Variants in DNAH7 observed in about 807,000 individuals in gnomAD.
DNAH7 encodes axonemal beta dynein heavy chain 7.
DNAH7 carries 397 observed loss-of-function variants against 444.6 expected under a neutral mutation model. That is an observed-to-expected ratio of 0.89 (90% CI 0.82 to 0.97). DNAH7 has a LOEUF of 0.97. DNAH7 is among the 50% of genes least tolerant of loss of function. DNAH7 has a pLI of 0.00. For synonymous variants in DNAH7, 1,636 were observed against 1,624.4 expected (o/e 1.01, Z -0.17); for missense variants, 4,902 against 4,800.8 (o/e 1.02, Z -0.62).
At chr2:195,888,488 T>A (rs1156430837) in intron 32 of DNAH7, 54 bp from the exon 33 acceptor site, 1 of 1,505,816 alleles carries the variant, frequency 6.6e-7, no homozygotes, top group African/African-American at 1.4e-5. Context: ...AAAATAAATA[T>A]GATTTGGCAC....
intron 46 of DNAH7, among the ~76,000 whole-genome samples, chr2:195,851,390 GA>G (rs988940598): frequency 2.0e-5 from 3 of 152,210 alleles, no homozygotes; most frequent in Non-Finnish European, 4.4e-5. Context: ...TCACAGAGAT[GA>G]GGTGGCATGG....
rs192354399 is a variant in DNAH7 at position 195,922,068 on chromosome 2, C to G, written c.3935+20G>C. On this transcript the variant is annotated intron_variant, in intron 24 of 64. Coordinates refer to ENST00000312428, the MANE Select transcript of DNAH7 (RefSeq NM_018897.3). ...TGAGTGAAAGTTATTTCCAATAGAT[C>G]CTTAAATTAAAGGGTTTACCTGTAA... 17 of 1,396,756 alleles carry G rather than the reference C, an allele frequency of 1.2e-5. No individual in the cohort carries two copies. In the East Asian group the frequency reaches 3.9e-4, roughly 32 times the overall value. The allele number at this position is 1,396,756 out of a possible 1,614,324, so 86.5% of individuals were successfully genotyped here. A position where few individuals can be genotyped will look rare whatever the true frequency, so the allele number is the denominator to read the frequency against.
intron 21 of DNAH7, 109 bp downstream of exon 21, chr2:195,934,482 T>A (rs999482897): frequency 2.5e-5 from 29 of 1,173,584 alleles, no homozygotes; most frequent in Non-Finnish European, 2.3e-5. Context: ...AATTGGTAAT[T>A]CCATGCCTCC....
chr2:195,830,830 C>G (rs1698033795), intron 48 of DNAH7, among the ~76,000 whole-genome samples: 1 of 152,158 alleles, frequency 6.6e-6, no homozygotes, highest in South Asian at 2.1e-4. Flanking sequence ...TCTTTCTGCC[C>G]CTTTAACCTA....
At chr2:195,763,938 G>C (rs1694458225) in intron 61 of DNAH7, among the ~76,000 whole-genome samples, 1 of 151,322 alleles carries the variant, frequency 6.6e-6, no homozygotes, top group African/African-American at 2.4e-5. Context: ...GAAAACTACA[G>C]AGAAAAAAAA....
At chr2:195,990,964 T>TATATAC (rs1693293783) in intron 12 of DNAH7, among the ~76,000 whole-genome samples, 1 of 142,792 alleles carries the variant, frequency 7.0e-6, no homozygotes. Flanking sequence ...TACTTAAATA[T>TATATAC]ATATACATAT....
intron 61 of DNAH7, among the ~76,000 whole-genome samples, chr2:195,760,172 C>T (rs1052340691): frequency 6.6e-6 from 1 of 151,842 alleles, no homozygotes; most frequent in African/African-American, 2.4e-5. Flanking sequence ...GGCTCCTCTG[C>T]CTGTGGAAAG....
chr2:195,872,399 C>T lies in DNAH7; in HGVS notation c.6484G>A (p.Glu2162Lys). ...IVNGTMTLYK[E>K]AMKNLLPTPA... ...GTAGGCAAGAGATTCTTCATTGCTT[C>T]TTTATACAGAGTCATTGTGCCATTT... is the stretch of plus-strand genomic sequence containing the variant. The change falls in exon 40 of 65, where the codon GAA becomes AAA. Residue 2162 changes from glutamate to lysine, a missense_variant. By Grantham distance (56) the Glu-to-Lys change is moderately conservative. Transcript: ENST00000312428. 2.5e-6 allele frequency: 4 copies of T among 1,613,852 alleles called. No individual in the cohort carries two copies. The highest frequency in any genetic ancestry group is 3.4e-6 in the Non-Finnish European group (4 of 1,179,866).
intron 34 of DNAH7, among the ~76,000 whole-genome samples, chr2:195,885,098 A>G (rs1470216411): frequency 6.6e-6 from 1 of 152,234 alleles, no homozygotes; most frequent in Non-Finnish European, 1.5e-5. Context: ...ACATGACAGC[A>G]GCTTGATATT....
At chr2:195,952,035 T>C (rs551695421) in intron 19 of DNAH7, among the ~76,000 whole-genome samples, 44 of 152,330 alleles carry the variant, frequency 2.9e-4, no homozygotes, top group African/African-American at 1.0e-3. Flanking sequence ...TCAATGATCT[T>C]TACAATTTGG....
Position 195,738,127 on chromosome 2 carries a change from T to G in DNAH7, c.11869A>C (p.Met3957Leu). The G allele has an allele frequency of 6.2e-7, 1 of 1,613,496 alleles. No individual in the cohort carries two copies. The highest frequency in any genetic ancestry group is 8.5e-7 in the Non-Finnish European group (1 of 1,179,502). The change falls in exon 65 of 65, where the codon ATG becomes CTG. Residue 3957 changes from methionine to leucine, a missense_variant and splice_region_variant. By Grantham distance (15) the Met-to-Leu change is conservative. Coordinates refer to ENST00000312428, the MANE Select transcript of DNAH7 (RefSeq NM_018897.3). The part of the protein sequence containing the change: ...PKILYDTVPV[M>L]WLKPCKRADI... Reference sequence around the variant, plus strand: ...GCCCTCTTACAGGGCTTTAGCCACATCTGGAAGAAAGTACATAACACCTCT... The same window carrying G: ...GCCCTCTTACAGGGCTTTAGCCACAGCTGGAAGAAAGTACATAACACCTCT...
At chr2:195,942,404 TGAAGAGGAG>T (rs1210186852) in intron 19 of DNAH7, among the ~76,000 whole-genome samples, 4 of 121,590 alleles carry the variant, frequency 3.3e-5, no homozygotes, top group African/African-American at 1.3e-4. Context: ...AGGAAGAAGA[TGAAGAGGAG>T]GAAGAGGAAG....
chr2:196,005,076 T>G (rs886942367), intron 10 of DNAH7, among the ~76,000 whole-genome samples: 9 of 148,952 alleles, frequency 6.0e-5, no homozygotes, highest in Non-Finnish European at 1.2e-4. Context: ...CAAGACCATC[T>G]CAGCTAACAC....
intron 58 of DNAH7, among the ~76,000 whole-genome samples, chr2:195,782,372 T>C (rs919914950): frequency 1.3e-5 from 2 of 152,212 alleles, no homozygotes; most frequent in African/African-American, 2.4e-5. Context: ...ATACAATTAC[T>C]ATGCTGGAGG....
chr2:195,880,992 T>C (rs1298258661), intron 36 of DNAH7, among the ~76,000 whole-genome samples: 1 of 151,316 alleles, frequency 6.6e-6, no homozygotes, highest in African/African-American at 2.4e-5. Context: ...TGTACACTTT[T>C]AGTTTTTTTT....
Position 195,806,769 on chromosome 2 carries a change from G to A in DNAH7, c.10147C>T (p.Leu3383Phe), listed in dbSNP as rs1410652939. 36 of 1,613,596 alleles carry A rather than the reference G, an allele frequency of 2.2e-5. No homozygotes were observed. Among genetic ancestry groups the A allele is most frequent in the Non-Finnish European group, 3.1e-5 (36 of 1,179,730 alleles). The stretch of plus-strand genomic sequence containing the variant: ...TCTGGCCTCAAGCAACGAATAATAA[G>A]CATCCTTTGAAACTCATTTGCTTTA... ...EDKANEFQRMLIIRCLRPDKV... is the reference protein window; with the variant it reads ...EDKANEFQRMFIIRCLRPDKV... Residue 3383 changes from leucine to phenylalanine, a missense_variant, in exon 54 of 65, where the codon CTT becomes TTT. Coordinates refer to ENST00000312428, the MANE Select transcript of DNAH7 (RefSeq NM_018897.3).
Position 195,881,810 on chromosome 2 carries a change from T to C in DNAH7, c.5946A>G (p.Lys1982=), listed in dbSNP as rs948215541. 7 of 1,613,956 alleles carry C rather than the reference T, an allele frequency of 4.3e-6. No individual in the cohort carries two copies. The highest frequency in any genetic ancestry group is 5.1e-6 in the Non-Finnish European group (6 of 1,179,866). ...CAGTACTTACCGTAATGTAAACACTTTTCCCAGTTCCTGTTGGTCCTACAA... is the reference window on the plus strand; with the variant it reads ...CAGTACTTACCGTAATGTAAACACTCTTCCCAGTTCCTGTTGGTCCTACAA... The part of the protein sequence containing the change: ...SIFVGPTGTG[K]SVYITNFLLN... Residue 1982 remains lysine, a synonymous_variant, in exon 36 of 65, where the codon AAA becomes AAG. Coordinates refer to ENST00000312428, the MANE Select transcript of DNAH7 (RefSeq NM_018897.3).
At chr2:195,910,485 T>G (rs1687292924) in intron 24 of DNAH7, among the ~76,000 whole-genome samples, 1 of 152,130 alleles carries the variant, frequency 6.6e-6, no homozygotes, top group African/African-American at 2.4e-5. Flanking sequence ...AATCCCCTAA[T>G]TCGCCAACTG....
chr2:195,787,321 T>C (rs1029578178), intron 57 of DNAH7, 150 bp from the exon 58 acceptor site: 45 of 864,710 alleles, frequency 5.2e-5, no homozygotes, highest in Non-Finnish European at 6.7e-5. Context: ...GAGTTAAGTA[T>C]GTTTCTACAG....
Sources: allele counts gnomAD v4.1 joint callset (sites outside exome capture counted in the v4.1 genomes callset), GRCh38; gene constraint gnomAD v4.1.1; transcripts MANE v1.5; gene names NCBI Gene and HGNC (gene_info 2026-07-23, HGNC 2026-07-21).